UBE3A: variants seen among roughly 807,000 people sequenced by gnomAD.
The protein encoded by UBE3A is ubiquitin-protein ligase E3A.
Under a neutral mutation model 83.4 loss-of-function variants are expected in UBE3A, and 6 were observed. That is an observed-to-expected ratio of 0.07 (90% CI 0.04 to 0.14). UBE3A has a LOEUF of 0.14. UBE3A is among the 10% of genes least tolerant of loss of function. The pLI, the probability that UBE3A is intolerant of heterozygous loss-of-function variation, is 1.00. For missense variants in UBE3A, 456 were observed against 1,036.1 expected (o/e 0.44, Z 7.69); for synonymous variants, 337 against 355.4 (o/e 0.95, Z 0.58).
chr15:25,340,374 A>G, intron 11 of UBE3A, 146 bp from the exon 12 acceptor site: 1 of 984,698 alleles, frequency 1.0e-6, no homozygotes, highest in Non-Finnish European at 1.5e-6. Context: ...TGATTTAAAA[A>G]TTTCCAAGCA....
At chr15:25,413,672 C>CGAAA (rs2090399808) in intron 1 of UBE3A, among the ~76,000 whole-genome samples, 1 of 152,182 alleles carries the variant, frequency 6.6e-6, no homozygotes, top group Non-Finnish European at 1.5e-5. Flanking sequence ...TCTTTATCTT[C>CGAAA]TTTCCTTTTA....
At chr15:25,421,533 G>A (rs1179541602) in intron 1 of UBE3A, among the ~76,000 whole-genome samples, 1 of 152,136 alleles carries the variant, frequency 6.6e-6, no homozygotes, top group Non-Finnish European at 1.5e-5. Flanking sequence ...ATATGAAGTA[G>A]AACAGTGATT....
intron 1 of UBE3A, among the ~76,000 whole-genome samples, chr15:25,422,579 A>C (rs552931402): frequency 6.6e-6 from 1 of 152,202 alleles, no homozygotes; most frequent in Non-Finnish European, 1.5e-5. Flanking sequence ...TGCAATCCAG[A>C]TCTAAACCAT....
intron 5 of UBE3A, chr15:25,374,953 G>C (rs2080959448): frequency 6.1e-6 from 1 of 163,628 alleles, no homozygotes. Flanking sequence ...CATGATCCTT[G>C]GCAGCATGAC....
At chr15:25,403,155 TAA>T (rs1199947290) in intron 4 of UBE3A, among the ~76,000 whole-genome samples, 3 of 152,342 alleles carry the variant, frequency 2.0e-5, no homozygotes, top group African/African-American at 4.8e-5. Context: ...TCAAATGTGA[TAA>T]AGTCTTTAAT....
chr15:25,365,926 A>G (rs991339712), intron 6 of UBE3A, among the ~76,000 whole-genome samples: 1 of 152,162 alleles, frequency 6.6e-6, no homozygotes, highest in African/African-American at 2.4e-5. Context: ...ATGTTTGGGT[A>G]ACACCAAATC....
chr15:25,364,666 C>T (rs1256605615), intron 6 of UBE3A, among the ~76,000 whole-genome samples: 2 of 130,522 alleles, frequency 1.5e-5, no homozygotes, highest in East Asian at 2.1e-4. Context: ...TTTTTTGAGA[C>T]GGAGTCTCGC....
At position 25,412,990 on chromosome 15, in the gene UBE3A, G is replaced by A. The variant is rs564579673; in HGVS notation, c.-164-1019C>T. On this transcript the variant is annotated intron_variant, in intron 1 of 12. Transcript: ENST00000648336. ...AACCCAAGAACGCAGAAATGAATTT[G>A]CATTTTAACATATACTTCACATGAC... is the stretch of plus-strand genomic sequence containing the variant. The A allele has an allele frequency of 2.9e-4, 125 of 437,328 alleles. 1 individual carries two copies. The highest frequency in any genetic ancestry group is 2.1e-3 in the South Asian group (124 of 60,384). The allele number at this position is 437,328 out of a possible 1,614,324, so 27.1% of individuals were successfully genotyped here.
rs146141111 is a variant in UBE3A, at chr15:25,363,160, C to A, written c.1609-2633G>T. 2.6e-5 allele frequency among the ~76,000 whole-genome samples: 4 copies of A among 152,292 alleles called. No homozygotes were observed. The East Asian group carries it at 5.8e-4, about 22-fold the overall frequency. On this transcript the variant is annotated intron_variant, in intron 6 of 12. Transcript: ENST00000648336. ...CACTTCCACTGATCTCTATTCTATG[C>A]TCCCCACCTTGGTGCCAAAAGAATG... is the stretch of plus-strand genomic sequence containing the variant.
At chr15:25,342,713 G>A (rs1196937013) in intron 11 of UBE3A, among the ~76,000 whole-genome samples, 1 of 152,106 alleles carries the variant, frequency 6.6e-6, no homozygotes, top group Non-Finnish European at 1.5e-5. Flanking sequence ...TACCAAAGAA[G>A]TGGGGAAATG....
intron 4 of UBE3A, among the ~76,000 whole-genome samples, chr15:25,404,862 G>A (rs1490201465): frequency 6.6e-6 from 1 of 152,012 alleles, no homozygotes; most frequent in Non-Finnish European, 1.5e-5. Flanking sequence ...GGAATAAGCC[G>A]CTCATGCTTC....
At chr15:25,409,286 G>A in intron 2 of UBE3A, 79 bp from the exon 3 acceptor site, 2 of 478,958 alleles carry the variant, frequency 4.2e-6, no homozygotes, top group East Asian at 6.5e-5. Flanking sequence ...AATATTCAAA[G>A]CTTCAAATTA....
rs2074240345 is a variant in UBE3A at position 25,338,870 on chromosome 15, T to TAACA, written c.*263_*266dup. On this transcript the variant is annotated 3_prime_UTR_variant, in exon 13 of 13. Transcript: ENST00000648336. ...CTGTACATACAAGTGAAAGAATATG[T>TAACA]AACACTTTCACGCAAAAAAATAATT... is the stretch of plus-strand genomic sequence containing the variant. 5.4e-6 allele frequency: 1 copy of TAACA among 186,826 alleles called. No homozygotes were observed. The highest frequency in any genetic ancestry group is 1.1e-5 in the Non-Finnish European group (1 of 91,556). 11.6% of individuals were successfully genotyped at this position (186,826 alleles called of 1,614,324 possible).
chr15:25,373,177 T>C (rs2080589760), intron 5 of UBE3A, among the ~76,000 whole-genome samples: 1 of 152,218 alleles, frequency 6.6e-6, no homozygotes, highest in South Asian at 2.1e-4. Context: ...TTTCTCATTA[T>C]TTTCATTGAA....
intron 7 of UBE3A, among the ~76,000 whole-genome samples, chr15:25,358,093 C>T (rs1032947052): frequency 1.6e-4 from 25 of 151,768 alleles, no homozygotes; most frequent in Admixed American, 8.5e-4. Flanking sequence ...AATTGGGGCC[C>T]GGTGTGGTAG....
intron 3 of UBE3A, chr15:25,408,626 T>C (rs1299663260): frequency 6.2e-7 from 1 of 1,613,858 alleles, no homozygotes; most frequent in South Asian, 1.1e-5. Flanking sequence ...TCACTTCCAA[T>C]AACACTGGTG....
chr15:25,361,450 A>G (rs1321346678), intron 6 of UBE3A, among the ~76,000 whole-genome samples: 1 of 152,086 alleles, frequency 6.6e-6, no homozygotes, highest in African/African-American at 2.4e-5. Flanking sequence ...AAGTTAACAA[A>G]CTTTAGTGTC....
chr15:25,402,077 C>T (rs577461404), intron 4 of UBE3A, among the ~76,000 whole-genome samples: 29 of 152,246 alleles, frequency 1.9e-4, no homozygotes, highest in African/African-American at 6.5e-4. Flanking sequence ...TATTGTGTTC[C>T]TTTGACTGGT....
intron 3 of UBE3A, chr15:25,407,118 G>C (rs1424585667): frequency 2.2e-6 from 3 of 1,350,764 alleles, no homozygotes; most frequent in Admixed American, 1.9e-5. Flanking sequence ...TTCCAAACTT[G>C]TATCTCCCAG....
Sources: allele counts gnomAD v4.1 joint callset (sites outside exome capture counted in the v4.1 genomes callset), GRCh38; gene constraint gnomAD v4.1.1; transcripts MANE v1.5; gene names NCBI Gene and HGNC (gene_info 2026-07-23, HGNC 2026-07-21).